The following ADGRL3 variants were observed in gnomAD, a reference collection of about 807,000 sequenced individuals.
The protein encoded by ADGRL3 is calcium-independent alpha-latrotoxin receptor 3.
In ADGRL3, 62 loss-of-function variants were observed where a neutral mutation model predicts 153.5. That is an observed-to-expected ratio of 0.40 (90% CI 0.33 to 0.50). ADGRL3 has a LOEUF of 0.50. Among genes scored for constraint, ADGRL3 ranks in the 20% least tolerant of loss-of-function variants. The probability of loss-of-function intolerance (pLI) is 0.47; values close to 1 mark genes in which losing one functional copy is unlikely to be tolerated. For missense variants in ADGRL3, 1,641 were observed against 1,859.4 expected, an observed-to-expected ratio of 0.88 and a Z score of 2.16; for synonymous variants, 710 against 672.5, an observed-to-expected ratio of 1.06 and a Z score of -0.86.
chr4:61,949,079 C>G (rs990343745), intron 17 of ADGRL3, among the ~76,000 whole-genome samples: 4 of 150,774 alleles, frequency 2.7e-5, no homozygotes, highest in African/African-American at 9.7e-5. Context: ...ATTGCTAACA[C>G]TGAGTAATAC....
intron 9 of ADGRL3, among the ~76,000 whole-genome samples, chr4:61,851,698 G>A (rs1015360002): frequency 6.6e-6 from 1 of 151,208 alleles, no homozygotes; most frequent in Non-Finnish European, 1.5e-5. Context: ...CATTTGTTAA[G>A]AATATCCCTC....
At chr4:61,426,993 G>A (rs1249449407) in intron 2 of ADGRL3, 1 of 151,832 alleles carries the variant, frequency 6.6e-6, no homozygotes, top group East Asian at 1.9e-4. Flanking sequence ...CCTTTTTTAT[G>A]GCACAAAGTC....
chr4:61,752,564 A>T (rs772362709), intron 8 of ADGRL3, among the ~76,000 whole-genome samples: 18 of 152,054 alleles, frequency 1.2e-4, no homozygotes, highest in African/African-American at 1.7e-4. Flanking sequence ...TTCTTACATG[A>T]TGGTCTTATG....
intron 2 of ADGRL3, among the ~76,000 whole-genome samples, chr4:61,456,922 C>T (rs1455482053): frequency 6.6e-6 from 1 of 151,802 alleles, no homozygotes; most frequent in African/African-American, 2.4e-5. Context: ...GGCTGTTTTT[C>T]TACCAATAAA....
chr4:61,939,173 A>G (rs2098858446), intron 15 of ADGRL3, among the ~76,000 whole-genome samples: 1 of 152,202 alleles, frequency 6.6e-6, no homozygotes, highest in Non-Finnish European at 1.5e-5. Flanking sequence ...CCTTAAAATA[A>G]CATGACAGTT....
intron 2 of ADGRL3, among the ~76,000 whole-genome samples, chr4:61,384,650 A>G (rs2096714852): frequency 6.6e-6 from 1 of 151,978 alleles, no homozygotes; most frequent in African/African-American, 2.4e-5. Context: ...CATAGGCAAA[A>G]TCTTTTTATT....
intron 4 of ADGRL3, among the ~76,000 whole-genome samples, chr4:61,535,270 T>C (rs979481832): frequency 6.6e-6 from 1 of 152,088 alleles, no homozygotes; most frequent in Non-Finnish European, 1.5e-5. Flanking sequence ...CTAACCATCC[T>C]TGCATCCTTG....
At chr4:62,019,857 A>G (rs550070651) in intron 21 of ADGRL3, among the ~76,000 whole-genome samples, 1 of 152,314 alleles carries the variant, frequency 6.6e-6, no homozygotes, top group South Asian at 2.1e-4. Flanking sequence ...TTTAAGAACT[A>G]TCGAATATTC....
At chr4:61,635,193 A>G (rs2093362463) in intron 5 of ADGRL3, among the ~76,000 whole-genome samples, 1 of 152,126 alleles carries the variant, frequency 6.6e-6, no homozygotes, top group Non-Finnish European at 1.5e-5. Flanking sequence ...TATGCACAAG[A>G]CTGGACCTTA....
intron 2 of ADGRL3, among the ~76,000 whole-genome samples, chr4:61,426,515 A>G (rs1448292190): frequency 6.6e-6 from 1 of 152,166 alleles, no homozygotes; most frequent in Admixed American, 6.5e-5. Flanking sequence ...ACTGGCCTCC[A>G]TAGCCGTCTA....
At chr4:61,714,058 G>C (rs558181795) in intron 6 of ADGRL3, among the ~76,000 whole-genome samples, 1 of 152,032 alleles carries the variant, frequency 6.6e-6, no homozygotes, top group Non-Finnish European at 1.5e-5. Flanking sequence ...TATGGAATGC[G>C]TAAATGTTAG....
intron 2 of ADGRL3, chr4:61,420,443 G>T (rs1189263766): frequency 7.2e-5 from 8 of 110,412 alleles, no homozygotes; most frequent in Admixed American, 2.7e-4. Flanking sequence ...GTCTCACTCC[G>T]TAGCCCAGGC....
rs934627281 is a variant in ADGRL3 at position 61,201,248 on chromosome 4, G to C, written c.-757G>C. The C allele has an allele frequency of 6.5e-6, 1 of 153,246 alleles. No homozygotes were observed. Among genetic ancestry groups the C allele is most frequent in the South Asian group, 1.9e-4 (1 of 5,242 alleles). The allele number at this position is 153,246 out of a possible 1,614,324, so 9.5% of individuals were successfully genotyped here. A position where few individuals can be genotyped will look rare whatever the true frequency, so the allele number is the denominator to read the frequency against. ...TGGTGGAAGATTTTTGGTCTCTTCG[G>C]CAGCGTCTTTTCTTAAGCGGCGGCG... On this transcript the variant is annotated 5_prime_UTR_variant, in exon 1 of 27. Transcript: ENST00000683033.
chr4:61,776,382 C>G (rs1037254202), intron 8 of ADGRL3, among the ~76,000 whole-genome samples: 8 of 151,986 alleles, frequency 5.3e-5, no homozygotes, highest in Non-Finnish European at 1.2e-4. Context: ...ACTACTAAAA[C>G]AAGATAACCA....
chr4:61,792,931 T>A (rs1213223670), intron 8 of ADGRL3, among the ~76,000 whole-genome samples: 1 of 151,398 alleles, frequency 6.6e-6, no homozygotes, highest in Non-Finnish European at 1.5e-5. Flanking sequence ...ACTGTATGAC[T>A]CTATTCTCAC....
At chr4:61,844,980 A>AT (rs1421632225) in intron 9 of ADGRL3, among the ~76,000 whole-genome samples, 3 of 152,160 alleles carry the variant, frequency 2.0e-5, no homozygotes, top group Non-Finnish European at 4.4e-5. Context: ...CCCACTCAAT[A>AT]TTAAGAAAGA....
In ADGRL3 at chr4:61,994,339, A is replaced by T. The variant is rs138021277; in HGVS notation, c.3237-1952A>T. Reference sequence around the variant, plus strand: ...TTTTTTTTTTCTTTTCTTTGTAGAGATGAGGTCTCACTATATTGCCCAGGT... The same window carrying T: ...TTTTTTTTTTCTTTTCTTTGTAGAGTTGAGGTCTCACTATATTGCCCAGGT... On this transcript the variant is annotated intron_variant, in intron 19 of 26. Transcript: ENST00000683033. Among the ~76,000 whole-genome samples, 353 of 151,726 alleles carry T rather than the reference A, an allele frequency of 2.3e-3. 3 individuals carry two copies. The highest frequency in any genetic ancestry group is 8.2e-3 in the African/African-American group (341 of 41,362).
At chr4:61,320,369 A>G (rs953895837) in intron 1 of ADGRL3, among the ~76,000 whole-genome samples, 1 of 152,224 alleles carries the variant, frequency 6.6e-6, no homozygotes. Context: ...AGAGTTCTTT[A>G]GATAAACAGA....
At chr4:61,676,648 A>G (rs542416731) in intron 5 of ADGRL3, among the ~76,000 whole-genome samples, 178 bp from the exon 6 acceptor site, 1 of 152,136 alleles carries the variant, frequency 6.6e-6, no homozygotes, top group East Asian at 1.9e-4. Flanking sequence ...GATTCATTTT[A>G]ATGTGTAGTT....
Sources: allele counts gnomAD v4.1 joint callset (sites outside exome capture counted in the v4.1 genomes callset), GRCh38; gene constraint gnomAD v4.1.1; transcripts MANE v1.5; gene names NCBI Gene and HGNC (gene_info 2026-07-23, HGNC 2026-07-21).